SOX5: variants seen among roughly 807,000 people sequenced by gnomAD.
SOX5 encodes transcription factor SOX-5.
A neutral mutation model predicts 92.0 loss-of-function variants in SOX5; 9 were observed. The observed-to-expected ratio is 0.10, with a 90% CI of 0.06 to 0.17. SOX5 has a LOEUF of 0.17. Ranked by LOEUF, SOX5 falls within the 10% of genes least tolerant of loss-of-function variation. The pLI, the probability that SOX5 is intolerant of heterozygous loss-of-function variation, is 1.00. For synonymous variants in SOX5, 344 were observed against 336.3 expected (o/e 1.02, Z -0.25); for missense variants, 642 against 944.5 (o/e 0.68, Z 4.20).
chr12:24,081,641 GT>G (rs1943341666), intron 4 of SOX5, among the ~76,000 whole-genome samples: 1 of 151,828 alleles, frequency 6.6e-6, no homozygotes, highest in African/African-American at 2.4e-5. Flanking sequence ...AGAGCCTTTT[GT>G]TTCATGGAAT....
intron 2 of SOX5, among the ~76,000 whole-genome samples, chr12:23,868,285 T>A (rs941686032): frequency 1.3e-5 from 2 of 152,174 alleles, no homozygotes; most frequent in Non-Finnish European, 2.9e-5. Context: ...AAGATTTCTT[T>A]CTGCTGATTA....
chr12:24,076,631 G>A (rs537194838), intron 4 of SOX5, among the ~76,000 whole-genome samples: 5 of 149,578 alleles, frequency 3.3e-5, no homozygotes, highest in African/African-American at 1.2e-4. Flanking sequence ...TCATATTCAT[G>A]TTGATTGCAT....
intron 4 of SOX5, among the ~76,000 whole-genome samples, chr12:24,171,604 G>A (rs1954178210): frequency 6.6e-6 from 1 of 152,138 alleles, no homozygotes; most frequent in African/African-American, 2.4e-5. Context: ...GACAGAAACG[G>A]CTTTCATATG....
chr12:24,131,588 C>G lies in SOX5; in HGVS notation c.-2+81755G>C, dbSNP rs138578642. Among the ~76,000 whole-genome samples, 1,492 of 152,254 alleles carry G rather than the reference C, an allele frequency of 9.8e-3. 41 individuals carry two copies. Among genetic ancestry groups the G allele is most frequent in the Admixed American group, 0.066 (1,002 of 15,296 alleles). The stretch of plus-strand genomic sequence containing the variant: ...TAACACTTTAAATATGCAGCATTAA[C>G]TTTACATATATTTATAATCTCACTG... On this transcript the variant is annotated intron_variant, in intron 4 of 4. Transcript: ENST00000446891.
rs376166266 is a variant in SOX5, at chr12:23,843,906, C to A, written c.481+2077G>T. On this transcript the variant is annotated intron_variant, in intron 3 of 14. Coordinates refer to ENST00000451604, the MANE Select transcript of SOX5 (RefSeq NM_006940.6). ...TCAAAGTATATTACTTGGCAGAAGA[C>A]ACACTCATACTATAATTCTAAATGA... 7.2e-5 allele frequency among the ~76,000 whole-genome samples: 11 copies of A among 152,230 alleles called. No individual in the cohort carries two copies. In the South Asian group the frequency reaches 1.9e-3, roughly 26 times the overall value.
At chr12:24,444,084 C>G (rs1463755455) in intron 1 of SOX5, among the ~76,000 whole-genome samples, 1 of 152,128 alleles carries the variant, frequency 6.6e-6, no homozygotes, top group Admixed American at 6.6e-5. Flanking sequence ...TTAAGTTTCT[C>G]TAAACACACT....
intron 4 of SOX5, among the ~76,000 whole-genome samples, chr12:24,187,520 T>C (rs1044564423): frequency 4.6e-5 from 7 of 152,214 alleles, no homozygotes; most frequent in Non-Finnish European, 7.4e-5. Flanking sequence ...TTTTACAAAA[T>C]TGGGCATTGT....
chr12:23,818,441 G>C (rs2096042087), intron 3 of SOX5, among the ~76,000 whole-genome samples: 2 of 152,142 alleles, frequency 1.3e-5, no homozygotes, highest in South Asian at 4.1e-4. Flanking sequence ...CATATATAGG[G>C]TATTTACTAT....
intron 2 of SOX5, among the ~76,000 whole-genome samples, chr12:24,308,023 T>TA (rs1948787562): frequency 6.9e-6 from 1 of 145,470 alleles, no homozygotes; most frequent in Non-Finnish European, 1.5e-5. Context: ...AGTCTCCCAG[T>TA]AGAAAAAAAA....
At position 24,083,603 on chromosome 12, in the gene SOX5, G is replaced by A. The variant is rs143735462; in HGVS notation, c.-2+129740C>T. On this transcript the variant is annotated intron_variant, in intron 4 of 4. Coordinates refer to the SOX5 transcript ENST00000446891. Reference sequence around the variant, plus strand: ...AAAAGGGGAACTTCCCCAGAACTATGGGAGGCATCCTGAGTGTAACTTACC... The same window carrying A: ...AAAAGGGGAACTTCCCCAGAACTATAGGAGGCATCCTGAGTGTAACTTACC... 1.0e-3 allele frequency among the ~76,000 whole-genome samples: 158 copies of A among 152,114 alleles called. 1 individual carries two copies. The highest frequency in any genetic ancestry group is 3.6e-3 in the African/African-American group (149 of 41,534).
intron 1 of SOX5, among the ~76,000 whole-genome samples, chr12:24,525,621 C>T (rs1950633505): frequency 6.6e-6 from 1 of 152,060 alleles, no homozygotes; most frequent in Non-Finnish European, 1.5e-5. Flanking sequence ...CCTGTAATCC[C>T]AGCACTTTGG....
At chr12:23,865,565 C>A (rs539448607) in intron 2 of SOX5, among the ~76,000 whole-genome samples, 2 of 152,098 alleles carry the variant, frequency 1.3e-5, no homozygotes, top group East Asian at 3.9e-4. Context: ...GTCCCAGCTA[C>A]TCGGGAGGCT....
rs549396438 is a variant in SOX5, at chr12:24,429,088, C to A, written c.-250-60449G>T. On this transcript the variant is annotated intron_variant, in intron 1 of 4. Transcript: ENST00000446891. ...ATCCCAGCACTTTGGGAGGCCAAGA[C>A]GGGAGGATCACAAGGTCAGGAGATC... 2.0e-4 allele frequency among the ~76,000 whole-genome samples: 31 copies of A among 152,114 alleles called. 1 individual carries two copies. The South Asian group carries it at 4.4e-3, about 21-fold the overall frequency.
At chr12:24,386,694 A>C (rs1293153612) in intron 1 of SOX5, among the ~76,000 whole-genome samples, 1 of 152,228 alleles carries the variant, frequency 6.6e-6, no homozygotes, top group Non-Finnish European at 1.5e-5. Context: ...GTATATCAAC[A>C]ATCTATTTAT....
chr12:24,197,716 A>G (rs1957138733), intron 4 of SOX5, among the ~76,000 whole-genome samples: 1 of 152,146 alleles, frequency 6.6e-6, no homozygotes, highest in African/African-American at 2.4e-5. Context: ...TCTTGTGAGC[A>G]TTAGCATGAA....
At chr12:23,786,243 T>G (rs927012046) in intron 3 of SOX5, among the ~76,000 whole-genome samples, 1 of 152,002 alleles carries the variant, frequency 6.6e-6, no homozygotes, top group Non-Finnish European at 1.5e-5. Flanking sequence ...ATACTTCCAC[T>G]TACAAATATT....
chr12:24,506,242 A>G (rs1274026845), intron 1 of SOX5, among the ~76,000 whole-genome samples: 1 of 152,178 alleles, frequency 6.6e-6, no homozygotes, highest in Non-Finnish European at 1.5e-5. Flanking sequence ...TTGGAATACC[A>G]TAATTTAGCA....
intron 6 of SOX5, among the ~76,000 whole-genome samples, chr12:23,677,532 C>T (rs892696011): frequency 2.0e-5 from 3 of 152,112 alleles, no homozygotes; most frequent in Non-Finnish European, 2.9e-5. Flanking sequence ...GAAGCTTTAG[C>T]TGCAGACATG....
chr12:24,017,186 G>A (rs937393486), intron 4 of SOX5, among the ~76,000 whole-genome samples: 6 of 152,118 alleles, frequency 3.9e-5, no homozygotes, highest in Non-Finnish European at 5.9e-5. Context: ...AGGCACCAAC[G>A]CATATAAGGT....
Sources: allele counts gnomAD v4.1 joint callset (sites outside exome capture counted in the v4.1 genomes callset), GRCh38; gene constraint gnomAD v4.1.1; transcripts MANE v1.5; gene names NCBI Gene and HGNC (gene_info 2026-07-23, HGNC 2026-07-21).